LRP1B: variants seen among roughly 807,000 people sequenced by gnomAD.
The protein encoded by LRP1B is low-density lipoprotein receptor-related protein 1B.
A neutral mutation model predicts 556.6 loss-of-function variants in LRP1B; 217 were observed. The ratio of observed to expected loss-of-function variants is 0.39; its 90% confidence interval spans 0.35 to 0.44. The LOEUF is 0.44. Ranked by LOEUF, LRP1B falls within the 20% of genes least tolerant of loss-of-function variation. The pLI, the probability that LRP1B is intolerant of heterozygous loss-of-function variation, is 1.00. For synonymous variants in LRP1B, 2,047 were observed against 1,865.8 expected, an observed-to-expected ratio of 1.10 and a Z score of -2.50; for missense variants, 5,053 against 5,620.8, an observed-to-expected ratio of 0.90 and a Z score of 3.23.
intron 3 of LRP1B, among the ~76,000 whole-genome samples, chr2:141,338,568 C>T (rs1249234628): frequency 6.6e-6 from 1 of 152,164 alleles, no homozygotes; most frequent in East Asian, 1.9e-4. Flanking sequence ...ATTAGCTATT[C>T]TATTCTTTCT....
chr2:140,958,950 CA>C (rs1361702013), intron 18 of LRP1B, among the ~76,000 whole-genome samples: 1 of 151,206 alleles, frequency 6.6e-6, no homozygotes, highest in Non-Finnish European at 1.5e-5. Context: ...AGAGGGAAAT[CA>C]AGAAATATCA....
At chr2:141,411,336 G>A (rs1690843316) in intron 3 of LRP1B, among the ~76,000 whole-genome samples, 1 of 152,104 alleles carries the variant, frequency 6.6e-6, no homozygotes, top group South Asian at 2.1e-4. Flanking sequence ...GATGTCAGGT[G>A]TAAATACCTC....
intron 1 of LRP1B, among the ~76,000 whole-genome samples, chr2:142,043,128 C>T (rs1345888757): frequency 6.6e-6 from 1 of 151,438 alleles, no homozygotes; most frequent in South Asian, 2.1e-4. Context: ...TCCTTGATGC[C>T]CACTATTCTG....
At chr2:142,111,343 A>G (rs1706982483) in intron 1 of LRP1B, among the ~76,000 whole-genome samples, 1 of 152,046 alleles carries the variant, frequency 6.6e-6, no homozygotes, top group Admixed American at 6.6e-5. Flanking sequence ...ATTTGAGGAC[A>G]AGCAGACTGA....
intron 2 of LRP1B, among the ~76,000 whole-genome samples, chr2:141,648,161 A>T (rs1689650726): frequency 6.6e-6 from 1 of 152,130 alleles, no homozygotes; most frequent in South Asian, 2.1e-4. Flanking sequence ...TGCTGTGAAG[A>T]AACATTCATA....
chr2:141,238,070 T>C (rs1683724856), intron 5 of LRP1B, among the ~76,000 whole-genome samples: 1 of 152,312 alleles, frequency 6.6e-6, no homozygotes, highest in African/African-American at 2.4e-5. Context: ...TTGATAACCA[T>C]TGAAGATTTA....
chr2:141,523,695 G>T (rs1277042638), intron 2 of LRP1B, among the ~76,000 whole-genome samples: 2 of 152,056 alleles, frequency 1.3e-5, no homozygotes, highest in Non-Finnish European at 1.5e-5. Context: ...AGGTTGAGAG[G>T]ACTCTAAATA....
intron 66 of LRP1B, among the ~76,000 whole-genome samples, chr2:140,418,677 A>T (rs1295117535): frequency 1.3e-5 from 2 of 151,996 alleles, no homozygotes; most frequent in Non-Finnish European, 2.9e-5. Context: ...CATCACCCCC[A>T]GATGAGATTA....
chr2:141,313,745 A>G (rs1282473157), intron 3 of LRP1B, among the ~76,000 whole-genome samples: 2 of 152,208 alleles, frequency 1.3e-5, no homozygotes, highest in Non-Finnish European at 2.9e-5. Flanking sequence ...AAATGTATAT[A>G]AAAATAACTT....
At chr2:140,866,593 A>G (rs1405523781) in intron 27 of LRP1B, among the ~76,000 whole-genome samples, 1 of 152,100 alleles carries the variant, frequency 6.6e-6, no homozygotes, top group African/African-American at 2.4e-5. Flanking sequence ...AGAAACTGAG[A>G]AATTGAGAGT....
intron 3 of LRP1B, among the ~76,000 whole-genome samples, chr2:141,360,370 G>T (rs972050664): frequency 9.2e-5 from 14 of 152,204 alleles, no homozygotes; most frequent in Admixed American, 3.9e-4. Flanking sequence ...GTTATTGCCA[G>T]AATTATCTTG....
chr2:141,176,517 C>T (rs969871258), intron 7 of LRP1B, among the ~76,000 whole-genome samples: 1 of 151,980 alleles, frequency 6.6e-6, no homozygotes, highest in African/African-American at 2.4e-5. Context: ...GTGCCTACTG[C>T]CATGATTGTA....
intron 2 of LRP1B, among the ~76,000 whole-genome samples, chr2:141,760,676 A>G (rs1161010291): frequency 1.3e-5 from 2 of 152,218 alleles, no homozygotes; most frequent in Admixed American, 6.5e-5. Context: ...TCAATTTCAG[A>G]AATATTTTGT....
At position 140,314,964 on chromosome 2, in the gene LRP1B, T is replaced by G; in HGVS notation, c.12776A>C (p.Asn4259Thr). 6.2e-7 allele frequency: 1 copy of G among 1,609,048 alleles called. No individual in the cohort carries two copies. ...EVNHCSNYCQ[N>T]GGTCVPSVLG... ...AACTGATGGTACGCAAGTTCCTCCA[T>G]TCTGGCAGTAGTTGCTACAGTGGTT... Residue 4259 changes from asparagine (N) to threonine (T), a missense_variant, in exon 83 of 91, where the codon AAT (asparagine) becomes ACT (threonine). Coordinates refer to ENST00000389484, the MANE Select transcript of LRP1B (RefSeq NM_018557.3).
intron 77 of LRP1B, among the ~76,000 whole-genome samples, chr2:140,345,878 A>ATATATATATATATAT (rs200833593): frequency 2.8e-5 from 4 of 140,352 alleles, no homozygotes; most frequent in African/African-American, 2.6e-5. Context: ...ATATATATAT[A>ATATATATATATATAT]AAAAAAATAG....
At chr2:140,960,040 T>G (rs1010982786) in intron 18 of LRP1B, among the ~76,000 whole-genome samples, 2 of 151,698 alleles carry the variant, frequency 1.3e-5, no homozygotes, top group Non-Finnish European at 3.0e-5. Flanking sequence ...AGTAATTTTT[T>G]TATCAATTTG....
intron 35 of LRP1B, among the ~76,000 whole-genome samples, chr2:140,718,360 A>G (rs527664868): frequency 6.6e-6 from 1 of 152,084 alleles, no homozygotes; most frequent in East Asian, 1.9e-4. Context: ...CTCATATTTA[A>G]TCCATTACCA....
chr2:141,064,514 A>G (rs976091113), intron 7 of LRP1B, among the ~76,000 whole-genome samples: 2 of 151,990 alleles, frequency 1.3e-5, no homozygotes, highest in African/African-American at 2.4e-5. Context: ...AAAAAAGCAC[A>G]TGTAAATATA....
intron 6 of LRP1B, among the ~76,000 whole-genome samples, chr2:141,221,645 C>A (rs1318073786): frequency 1.3e-5 from 2 of 152,196 alleles, no homozygotes; most frequent in African/African-American, 4.8e-5. Flanking sequence ...CACCACATGG[C>A]ACTTGCTCTA....
Sources: gnomAD v4.1 joint callset for allele counts (sites outside exome capture counted in the v4.1 genomes callset) on GRCh38, gnomAD v4.1.1 for gene constraint, MANE v1.5 for transcripts, NCBI Gene and HGNC (gene_info 2026-07-23, HGNC 2026-07-21) for gene names.